PPP1R16B: variants seen among roughly 807,000 people sequenced by gnomAD.
The protein encoded by PPP1R16B is protein phosphatase 1 regulatory inhibitor subunit 16B.
A neutral mutation model predicts 61.7 loss-of-function variants in PPP1R16B; 14 were observed. The observed-to-expected ratio is 0.23, with a 90% CI of 0.15 to 0.35. PPP1R16B has a LOEUF of 0.35. Ranked by LOEUF, PPP1R16B falls within the 10% of genes least tolerant of loss-of-function variation. The pLI, the probability that PPP1R16B is intolerant of heterozygous loss-of-function variation, is 1.00. For synonymous variants in PPP1R16B, 266 were observed against 305.3 expected, an observed-to-expected ratio of 0.87 and a Z score of 1.34; for missense variants, 547 against 752.5, an observed-to-expected ratio of 0.73 and a Z score of 3.19.
chr20:38,897,410 C>T (rs954436496), intron 4 of PPP1R16B, among the ~76,000 whole-genome samples: 1 of 152,194 alleles, frequency 6.6e-6, no homozygotes, highest in Non-Finnish European at 1.5e-5. Context: ...CAAGGTTCAT[C>T]TATGTTGTAG....
chr20:38,836,890 C>T (rs1004615052), intron 2 of PPP1R16B, among the ~76,000 whole-genome samples: 48 of 152,236 alleles, frequency 3.2e-4, no homozygotes, highest in African/African-American at 1.1e-3. Context: ...ACTTTCTTTC[C>T]CTCCCACAAA....
At chr20:38,886,789 G>C (rs2085248148) in intron 2 of PPP1R16B, among the ~76,000 whole-genome samples, 1 of 152,234 alleles carries the variant, frequency 6.6e-6, no homozygotes, top group African/African-American at 2.4e-5. Context: ...GAACTAGAGG[G>C]CTGCCAATTG....
chr20:38,899,123 G>A (rs1277940431), intron 4 of PPP1R16B, among the ~76,000 whole-genome samples: 2 of 152,138 alleles, frequency 1.3e-5, no homozygotes, highest in Admixed American at 6.5e-5. Context: ...GTTGGCTCCC[G>A]GGGGGATGGA....
intron 2 of PPP1R16B, among the ~76,000 whole-genome samples, chr20:38,856,955 A>C (rs1007180743): frequency 2.0e-5 from 3 of 152,220 alleles, no homozygotes; most frequent in Admixed American, 2.0e-4. Context: ...TTGGGAGTGA[A>C]AGCTCAGGTA....
In PPP1R16B at chr20:38,918,678, T is replaced by C. The variant is rs1369994288; in HGVS notation, c.*12T>C. On this transcript the variant is annotated 3_prime_UTR_variant, in exon 11 of 11. Transcript: ENST00000299824. This position sits in a 1 kb window ranked among gnomAD's most constrained non-coding sequence, Gnocchi z 5.3. ...GCCGTATCTCCTAGTCTCCGTGTGA[T>C]GGAGGAGGGAGATGCCTGGGGAGGG... The C allele has an allele frequency of 2.0e-6, 3 of 1,497,970 alleles. No homozygotes were observed. The highest frequency in any genetic ancestry group is 2.8e-5 in the African/African-American group (2 of 71,412). The allele number at this position is 1,497,970 out of a possible 1,614,324, so 92.8% of individuals were successfully genotyped here. A position where few individuals can be genotyped will look rare whatever the true frequency, so the allele number is the denominator to read the frequency against.
At chr20:38,912,334 T>A (rs1003151679) in intron 10 of PPP1R16B, among the ~76,000 whole-genome samples, 114 of 152,064 alleles carry the variant, frequency 7.5e-4, no homozygotes, top group African/African-American at 2.7e-3. Flanking sequence ...ATGGTCCCTG[T>A]ACCAGCAACA....
At chr20:38,892,946 G>A (rs1162561246) in intron 3 of PPP1R16B, among the ~76,000 whole-genome samples, 1 of 152,170 alleles carries the variant, frequency 6.6e-6, no homozygotes, top group African/African-American at 2.4e-5. Flanking sequence ...TCAGGGAGAG[G>A]TGCAGGTGGT....
chr20:38,888,944 T>G (rs1034579324), intron 2 of PPP1R16B, among the ~76,000 whole-genome samples: 1 of 146,778 alleles, frequency 6.8e-6, no homozygotes, highest in Non-Finnish European at 1.5e-5. Context: ...GACAAAATTC[T>G]AGGGATTGGG....
intron 2 of PPP1R16B, among the ~76,000 whole-genome samples, chr20:38,842,273 G>A (rs2084913228): frequency 6.6e-6 from 1 of 152,190 alleles, no homozygotes; most frequent in South Asian, 2.1e-4. Context: ...TTGGCCTTAG[G>A]CATCCTGGTG....
At chr20:38,869,915 T>G (rs1418398315) in intron 2 of PPP1R16B, among the ~76,000 whole-genome samples, 2 of 150,662 alleles carry the variant, frequency 1.3e-5, no homozygotes, top group African/African-American at 4.9e-5. Flanking sequence ...GAGCAAAAAT[T>G]TTATTTATTT....
At chr20:38,855,616 G>A (rs951255805) in intron 2 of PPP1R16B, among the ~76,000 whole-genome samples, 23 of 151,914 alleles carry the variant, frequency 1.5e-4, no homozygotes, top group Admixed American at 6.6e-5. Context: ...CAGCTTTCAG[G>A]AGAAAACATC....
At chr20:38,911,895 T>G (rs767546803) in intron 10 of PPP1R16B, among the ~76,000 whole-genome samples, 1 of 152,078 alleles carries the variant, frequency 6.6e-6, no homozygotes, top group Non-Finnish European at 1.5e-5. Flanking sequence ...TGAATAAAGC[T>G]CCTATAAACA....
At chr20:38,808,961 A>C (rs1272699463) in intron 1 of PPP1R16B, among the ~76,000 whole-genome samples, 1 of 151,790 alleles carries the variant, frequency 6.6e-6, no homozygotes, top group East Asian at 1.9e-4. Flanking sequence ...TGAACCCGGG[A>C]GCAGGAGGTT....
rs571732350 is a variant in PPP1R16B at position 38,890,441 on chromosome 20, C to T, written c.321+776C>T. Among the ~76,000 whole-genome samples the T allele has an allele frequency of 1.5e-4, 23 of 152,328 alleles. No individual in the cohort carries two copies. In the South Asian group the frequency reaches 4.6e-3, roughly 30 times the overall value. ...CACCCAACTTCTCAGGTCCTTGTACCCAGTGGGCTCCTCCCCACCACACTT... is the reference window on the plus strand; with the variant it reads ...CACCCAACTTCTCAGGTCCTTGTACTCAGTGGGCTCCTCCCCACCACACTT... On this transcript the variant is annotated intron_variant, in intron 3 of 10. Coordinates refer to ENST00000299824, the MANE Select transcript of PPP1R16B (RefSeq NM_015568.4).
intron 1 of PPP1R16B, among the ~76,000 whole-genome samples, chr20:38,822,188 T>C (rs2084777438): frequency 6.6e-6 from 1 of 152,014 alleles, no homozygotes; most frequent in Non-Finnish European, 1.5e-5. Context: ...CTGCCTTGTA[T>C]GTACATCATT....
At position 38,919,942 on chromosome 20, in the gene PPP1R16B, AT is replaced by A. The variant is rs546079385; in HGVS notation, c.*1279del. On this transcript the variant is annotated 3_prime_UTR_variant, in exon 11 of 11. Transcript: ENST00000299824. ...TTTTTGGGGATGCTTGGTGAGACAGATTTGCCAGTCAGCCCTTTTGAGTTCC... is the reference window on the plus strand; with the variant it reads ...TTTTTGGGGATGCTTGGTGAGACAGATTGCCAGTCAGCCCTTTTGAGTTCC... The A allele has an allele frequency of 9.9e-4, 151 of 152,398 alleles. No homozygotes were observed. Among genetic ancestry groups the A allele is most frequent in the African/African-American group, 3.4e-3 (142 of 41,552 alleles). The allele number at this position is 152,398 out of a possible 1,614,324, so 9.4% of individuals were successfully genotyped here.
intron 2 of PPP1R16B, among the ~76,000 whole-genome samples, chr20:38,859,312 G>C (rs796469516): frequency 1.3e-4 from 19 of 151,876 alleles, no homozygotes; most frequent in African/African-American, 3.6e-4. Context: ...TTGGCGGGGT[G>C]GGGGAGGGTG....
chr20:38,868,748 A>G (rs2085106620), intron 2 of PPP1R16B, among the ~76,000 whole-genome samples: 1 of 152,124 alleles, frequency 6.6e-6, no homozygotes. Flanking sequence ...ATATGCATTC[A>G]TTTGTGTATG....
At chr20:38,912,239 A>G (rs2085497083) in intron 10 of PPP1R16B, among the ~76,000 whole-genome samples, 1 of 151,740 alleles carries the variant, frequency 6.6e-6, no homozygotes, top group Admixed American at 6.6e-5. Context: ...AGCTGAGATT[A>G]CAGGCACCTG....
Sources: allele counts gnomAD v4.1 joint callset (sites outside exome capture counted in the v4.1 genomes callset), GRCh38; gene constraint gnomAD v4.1.1; non-coding constraint Gnocchi (gnomAD v3.1); transcripts MANE v1.5; gene names NCBI Gene and HGNC (gene_info 2026-07-23, HGNC 2026-07-21).